TP63: variants seen among roughly 807,000 people sequenced by gnomAD.
TP63 encodes tumor protein p63.
A neutral mutation model predicts 82.8 loss-of-function variants in TP63; 17 were observed. The observed-to-expected ratio is 0.21, with a 90% confidence interval of 0.14 to 0.31. The LOEUF (loss-of-function observed/expected upper bound fraction) is 0.31, where lower values mean the gene tolerates loss of function less well. Among genes scored for constraint, TP63 ranks in the 10% least tolerant of loss-of-function variants. TP63 has a pLI of 1.00. For missense variants in TP63, 648 were observed against 895.3 expected (o/e 0.72, Z 3.52); for synonymous variants, 330 against 321.7 (o/e 1.03, Z -0.28).
In TP63 at chr3:189,808,513, C is replaced by T. The variant is rs866938979; in HGVS notation, c.566C>T (p.Ser189Leu). ...TTCCAGCAGTCGAGCACCGCCAAGT[C>T]GGCCACCTGGACGGTAAGAGCAGCG... Reference protein sequence around the residue: ...VSFQQSSTAKSATWTYSTELK... With the variant: ...VSFQQSSTAKLATWTYSTELK... Residue 189 changes from serine (S) to leucine (L), a missense_variant, in exon 4 of 14, where the codon TCG becomes TTG. Physicochemically the swap from Ser to Leu is moderately radical, Grantham distance 145 (BLOSUM62 -2). Coordinates refer to ENST00000264731, the MANE Select transcript of TP63 (RefSeq NM_003722.5). The T allele has an allele frequency of 6.2e-7, 1 of 1,614,064 alleles. No homozygotes were observed. Among genetic ancestry groups the T allele is most frequent in the Non-Finnish European group, 8.5e-7 (1 of 1,180,050 alleles).
rs763128484 is a variant in TP63, at chr3:189,872,855, A to G, written c.1213-4A>G. 1.4e-5 allele frequency: 22 copies of G among 1,614,006 alleles called. No homozygotes were observed. The Middle Eastern group carries it at 4.9e-4, about 36-fold the overall frequency. Reference sequence around the variant, plus strand: ...TCCTTCTTTCCTTCTGCTCACTTCCATAGGTGAGGGGCCGTGAGACTTATG... The same window carrying G: ...TCCTTCTTTCCTTCTGCTCACTTCCGTAGGTGAGGGGCCGTGAGACTTATG... On this transcript the variant is annotated splice_region_variant and splice_polypyrimidine_tract_variant and intron_variant, in intron 9 of 13. Coordinates refer to ENST00000264731, the MANE Select transcript of TP63 (RefSeq NM_003722.5).
chr3:189,622,181 A>G, the TP63 span, among the ~76,000 whole-genome samples: 1 of 152,228 alleles, frequency 6.6e-6, no homozygotes, highest in African/African-American at 2.4e-5. Context: ...GATGCCCGCC[A>G]TGAGCTCATG....
chr3:189,844,211 T>A, intron 4 of TP63: 1 of 394,122 alleles, frequency 2.5e-6, no homozygotes, highest in Non-Finnish European at 5.0e-6. Context: ...TCGCCTTGTC[T>A]CCCAGGCTGG....
At chr3:189,778,837 C>T (rs529345439) in intron 3 of TP63, among the ~76,000 whole-genome samples, 3 of 152,116 alleles carry the variant, frequency 2.0e-5, no homozygotes, top group Non-Finnish European at 4.4e-5. Flanking sequence ...CACAAAACCT[C>T]GTGAATCAAA....
intron 1 of TP63, among the ~76,000 whole-genome samples, chr3:189,678,593 C>T (rs1248067450): frequency 2.6e-5 from 4 of 151,704 alleles, no homozygotes; most frequent in East Asian, 3.9e-4. Context: ...ATATAAATTT[C>T]GGGTTTGTTT....
chr3:189,631,033 A>G (rs1168262991), upstream of TP63, among the ~76,000 whole-genome samples: 4 of 152,328 alleles, frequency 2.6e-5, no homozygotes, highest in Non-Finnish European at 4.4e-5. Flanking sequence ...GTATCCAGAT[A>G]CAAGGAAGTG....
rs771900189 is a variant in TP63, at chr3:189,710,618, G to A, written c.63-27122G>A. Among the ~76,000 whole-genome samples the A allele has an allele frequency of 5.3e-5, 8 of 152,126 alleles. No individual in the cohort carries two copies. In the East Asian group the frequency reaches 5.8e-4, roughly 11 times the overall value. ...ACAAAAATATACTTGCTAAAGATGC[G>A]TTAAAGTGCATGACCTATACTGCAA... On this transcript the variant is annotated intron_variant, in intron 1 of 13. Transcript: ENST00000264731.
At chr3:189,735,934 G>C (rs1300640277) in intron 1 of TP63, among the ~76,000 whole-genome samples, 2 of 151,984 alleles carry the variant, frequency 1.3e-5, no homozygotes, top group Non-Finnish European at 2.9e-5. Flanking sequence ...CACTATCCCA[G>C]TTTTGATATT....
At chr3:189,888,789 C>T (rs899674392) in intron 11 of TP63, among the ~76,000 whole-genome samples, 10 of 152,206 alleles carry the variant, frequency 6.6e-5, no homozygotes, top group African/African-American at 2.4e-4. Flanking sequence ...ATTGTATCAT[C>T]ATTTATTAGG....
At position 189,895,133 on chromosome 3, in the gene TP63, G is replaced by A. The variant is rs1436779459; in HGVS notation, c.*631G>A. 9.1e-6 allele frequency: 2 copies of A among 220,850 alleles called. No homozygotes were observed. Among genetic ancestry groups the A allele is most frequent in the Non-Finnish European group, 1.8e-5 (2 of 110,274 alleles). The allele number at this position is 220,850 out of a possible 1,614,324, so 13.7% of individuals were successfully genotyped here. On this transcript the variant is annotated 3_prime_UTR_variant, in exon 14 of 14. Transcript: ENST00000264731. ...ATCCATTTCCATTGCTTATTATGTA[G>A]GTAAGACTGTAGATATGTATTCTTT...
intron 1 of TP63, among the ~76,000 whole-genome samples, chr3:189,650,183 A>AAT (rs200155647): frequency 0.042 from 6,175 of 147,052 alleles, 590 homozygotes; most frequent in Non-Finnish European, 0.054. Context: ...TACCTGAGTG[A>AAT]ATATATGTCA....
At chr3:189,683,246 A>G (rs1177932475) in intron 1 of TP63, among the ~76,000 whole-genome samples, 5 of 152,174 alleles carry the variant, frequency 3.3e-5, no homozygotes, top group Admixed American at 1.3e-4. Context: ...CTTTATATGT[A>G]TCTGTTCATT....
intron 1 of TP63, among the ~76,000 whole-genome samples, chr3:189,727,988 T>C (rs1487391133): frequency 6.6e-6 from 1 of 152,256 alleles, no homozygotes; most frequent in East Asian, 1.9e-4. Context: ...ATGAATTTAG[T>C]ATAGTAGAGC....
chr3:189,695,019 C>T (rs1233060041), intron 1 of TP63, among the ~76,000 whole-genome samples: 4 of 151,608 alleles, frequency 2.6e-5, no homozygotes, highest in Non-Finnish European at 5.9e-5. Flanking sequence ...TTGGACCAGG[C>T]TGGTCTTGAA....
chr3:189,679,605 T>C (rs1289966751), intron 1 of TP63, among the ~76,000 whole-genome samples: 1 of 152,124 alleles, frequency 6.6e-6, no homozygotes, highest in African/African-American at 2.4e-5. Context: ...TGTTGATTGT[T>C]TTTTTACTGT....
rs371940604 is a variant in TP63 at position 189,677,366 on chromosome 3, T to TAAA, written c.62+45789_62+45790insAAA. Among the ~76,000 whole-genome samples, 44 of 59,612 alleles carry TAAA rather than the reference T, an allele frequency of 7.4e-4. No homozygotes were observed. In the South Asian group the frequency reaches 0.02, roughly 27 times the overall value. 39.1% of individuals were successfully genotyped at this position (59,612 alleles called of 152,430 possible). On this transcript the variant is annotated intron_variant, in intron 1 of 13. Coordinates refer to ENST00000264731, the MANE Select transcript of TP63 (RefSeq NM_003722.5). ...TAAATATATATAAATAATTATATATTTATATGTAAATAATTATATATAAAT... is the reference window on the plus strand; with the variant it reads ...TAAATATATATAAATAATTATATATTAAATATATGTAAATAATTATATATAAAT...
At chr3:189,622,738 G>A in the TP63 span, among the ~76,000 whole-genome samples, 1 of 152,204 alleles carries the variant, frequency 6.6e-6, no homozygotes, top group Non-Finnish European at 1.5e-5. Context: ...GGCCACAGCG[G>A]CTGATGGTTA....
the TP63 span, among the ~76,000 whole-genome samples, chr3:189,620,253 G>C: frequency 6.6e-6 from 1 of 151,848 alleles, no homozygotes; most frequent in Admixed American, 6.6e-5. Context: ...TGCCGGGCGT[G>C]GTGGCTCACG....
chr3:189,839,214 T>C (rs1713624664), intron 4 of TP63, among the ~76,000 whole-genome samples: 1 of 152,214 alleles, frequency 6.6e-6, no homozygotes, highest in African/African-American at 2.4e-5. Flanking sequence ...ATGAAGGATC[T>C]AAAATGTCAG....
Sources: gnomAD v4.1 joint callset for allele counts (sites outside exome capture counted in the v4.1 genomes callset) on GRCh38, gnomAD v4.1.1 for gene constraint, MANE v1.5 for transcripts, NCBI Gene and HGNC (gene_info 2026-07-23, HGNC 2026-07-21) for gene names.